The following MAML2 variants were observed in gnomAD, a reference collection of about 807,000 sequenced individuals.
MAML2 encodes the protein mastermind-like protein 2.
A neutral mutation model predicts 96.1 loss-of-function variants in MAML2; 22 were observed. The ratio of observed to expected loss-of-function variants is 0.23; its 90% confidence interval spans 0.16 to 0.33. MAML2 has a LOEUF of 0.33. MAML2 is among the 10% of genes least tolerant of loss of function. The pLI, the probability that MAML2 is intolerant of heterozygous loss-of-function variation, is 1.00. For synonymous variants in MAML2, 561 were observed against 521.3 expected (o/e 1.08, Z -1.04); for missense variants, 1,367 against 1,392.4 (o/e 0.98, Z 0.29).
chr11:96,135,562 T>A (rs1369487756), intron 1 of MAML2, among the ~76,000 whole-genome samples: 3 of 145,166 alleles, frequency 2.1e-5, no homozygotes, highest in East Asian at 2.0e-4. Flanking sequence ...TTTTTTTTTT[T>A]AAACCGTGGT....
intron 1 of MAML2, among the ~76,000 whole-genome samples, chr11:96,102,811 T>A (rs1422385358): frequency 1.3e-5 from 2 of 152,204 alleles, no homozygotes. Context: ...AACAGAGAAA[T>A]GCACATAATA....
chr11:96,203,668 A>G (rs1197617128), intron 1 of MAML2, among the ~76,000 whole-genome samples: 1 of 152,242 alleles, frequency 6.6e-6, no homozygotes, highest in Non-Finnish European at 1.5e-5. Flanking sequence ...ATGACCAAAC[A>G]TGAACATACT....
chr11:96,063,287 C>T (rs996339035), intron 2 of MAML2, among the ~76,000 whole-genome samples: 1 of 152,162 alleles, frequency 6.6e-6, no homozygotes, highest in African/African-American at 2.4e-5. Flanking sequence ...TTATGCTTCT[C>T]CCTCTCATAA....
chr11:96,336,355 T>C (rs1414086514), intron 1 of MAML2, among the ~76,000 whole-genome samples: 2 of 152,202 alleles, frequency 1.3e-5, no homozygotes, highest in African/African-American at 4.8e-5. Context: ...TTTTTCTATA[T>C]CAGTTTTGGT....
At chr11:96,166,154 G>GTCTC (rs752973631) in intron 1 of MAML2, among the ~76,000 whole-genome samples, 8,568 of 113,520 alleles carry the variant, frequency 0.075, 404 homozygotes, top group East Asian at 0.2. Flanking sequence ...CTCTCTGTCT[G>GTCTC]TCTCTCTCTC....
intron 1 of MAML2, among the ~76,000 whole-genome samples, chr11:96,295,695 C>G (rs542344835): frequency 6.6e-6 from 1 of 151,998 alleles, no homozygotes; most frequent in Non-Finnish European, 1.5e-5. Context: ...CACACACACA[C>G]ACACACACAC....
chr11:96,216,483 T>TTG (rs1165657929), intron 1 of MAML2, among the ~76,000 whole-genome samples: 52 of 152,390 alleles, frequency 3.4e-4, no homozygotes, highest in African/African-American at 1.2e-3. Flanking sequence ...TTATTGTTGG[T>TTG]ACCATTAAAT....
rs1860688196 is a variant in MAML2 at position 96,139,100 on chromosome 11, A to G, written c.514-45583T>C. Among the ~76,000 whole-genome samples, 4 of 152,100 alleles carry G rather than the reference A, an allele frequency of 2.6e-5. No individual in the cohort carries two copies. The South Asian group carries it at 8.3e-4, about 31-fold the overall frequency. On this transcript the variant is annotated intron_variant, in intron 1 of 4. Transcript: ENST00000524717. ...CCATGTGGTAATAAAACCTTTTTCC[A>G]TATATATATTGGTAATGTTCCACAA... is the stretch of plus-strand genomic sequence containing the variant.
intron 2 of MAML2, among the ~76,000 whole-genome samples, chr11:96,068,912 CTCCT>C (rs1346715476): frequency 2.1e-5 from 3 of 141,728 alleles, no homozygotes; most frequent in African/African-American, 5.3e-5. Flanking sequence ...TCCTTCTTCC[CTCCT>C]TTTTTTTTTT....
chr11:96,009,844 T>C (rs1202641711), intron 2 of MAML2, among the ~76,000 whole-genome samples: 1 of 152,248 alleles, frequency 6.6e-6, no homozygotes, highest in Non-Finnish European at 1.5e-5. Context: ...ACTAGAAATA[T>C]TGCCCAAGGA....
intron 2 of MAML2, among the ~76,000 whole-genome samples, chr11:96,025,299 C>T (rs1465672027): frequency 6.6e-6 from 1 of 152,108 alleles, no homozygotes; most frequent in Non-Finnish European, 1.5e-5. Flanking sequence ...AATGCAGGAA[C>T]AGAAAACCAA....
intron 2 of MAML2, among the ~76,000 whole-genome samples, chr11:96,038,626 T>C (rs747556590): frequency 2.0e-5 from 3 of 152,248 alleles, no homozygotes; most frequent in Non-Finnish European, 4.4e-5. Context: ...TGCTGTTTCC[T>C]CTAACTGGAA....
intron 1 of MAML2, among the ~76,000 whole-genome samples, chr11:96,282,197 G>A (rs1032251990): frequency 4.0e-5 from 6 of 151,050 alleles, no homozygotes; most frequent in Admixed American, 2.6e-4. Flanking sequence ...TTTAGTGAGC[G>A]GAGATCAAGT....
chr11:96,157,864 T>C (rs1861037274), intron 1 of MAML2, among the ~76,000 whole-genome samples: 2 of 152,232 alleles, frequency 1.3e-5, no homozygotes, highest in Non-Finnish European at 2.9e-5. Context: ...TAAGAACTTC[T>C]GTAAACTTGC....
At chr11:96,153,067 T>A (rs2135879849) in intron 1 of MAML2, among the ~76,000 whole-genome samples, 1 of 152,300 alleles carries the variant, frequency 6.6e-6, no homozygotes, top group East Asian at 1.9e-4. Flanking sequence ...ATTAAGAGGA[T>A]GCTTTGGAAA....
chr11:96,181,346 T>A (rs1400867334), intron 1 of MAML2, among the ~76,000 whole-genome samples: 24 of 152,202 alleles, frequency 1.6e-4, no homozygotes, highest in Admixed American at 1.6e-3. Flanking sequence ...ACTTGTCTTA[T>A]CTCTGCAATG....
chr11:95,980,392 A>G (rs1420742328), intron 4 of MAML2, among the ~76,000 whole-genome samples: 1 of 152,104 alleles, frequency 6.6e-6, no homozygotes, highest in African/African-American at 2.4e-5. Flanking sequence ...AATGCTACAC[A>G]CGGCTCCTAG....
Position 96,270,373 on chromosome 11 carries a change from G to A in MAML2, c.513+71010C>T, listed in dbSNP as rs138363382. On this transcript the variant is annotated intron_variant, in intron 1 of 4. Coordinates refer to ENST00000524717, the MANE Select transcript of MAML2 (RefSeq NM_032427.4). Reference sequence around the variant, plus strand: ...CACCCAGGCTGGAGTGTAGTGGTGCGATCTTGGCTCACTGCAACCTTTGCC... The same window carrying A: ...CACCCAGGCTGGAGTGTAGTGGTGCAATCTTGGCTCACTGCAACCTTTGCC... 2.1e-3 allele frequency among the ~76,000 whole-genome samples: 312 copies of A among 152,174 alleles called. 2 individuals are homozygous for A. Among genetic ancestry groups the A allele is most frequent in the African/African-American group, 6.9e-3 (286 of 41,500 alleles).
chr11:96,335,563 C>G (rs181070807), intron 1 of MAML2, among the ~76,000 whole-genome samples: 3 of 152,130 alleles, frequency 2.0e-5, no homozygotes, highest in Non-Finnish European at 4.4e-5. Flanking sequence ...GTGTAAATAG[C>G]AAGGCATTAA....
Sources: allele counts gnomAD v4.1 joint callset (sites outside exome capture counted in the v4.1 genomes callset), GRCh38; gene constraint gnomAD v4.1.1; transcripts MANE v1.5; gene names NCBI Gene and HGNC (gene_info 2026-07-23, HGNC 2026-07-21).